The following BICC1 variants were observed in gnomAD, a reference collection of about 807,000 sequenced individuals.
BICC1 encodes the protein BicC family RNA binding protein 1, also known as protein bicaudal C homolog 1.
BICC1 carries 43 observed loss-of-function variants against 111.0 expected under a neutral mutation model. The observed-to-expected ratio is 0.39, with a 90% CI of 0.30 to 0.50. The LOEUF (loss-of-function observed/expected upper bound fraction) is 0.50. Among genes scored for constraint, BICC1 ranks in the 20% least tolerant of loss-of-function variants. The pLI, the probability that BICC1 is intolerant of heterozygous loss-of-function variation, is 0.88. For missense variants in BICC1, 1,091 were observed against 1,203.2 expected (o/e 0.91, Z 1.38); for synonymous variants, 467 against 434.4 (o/e 1.07, Z -0.93).
rs116101109 is a variant in BICC1, at chr10:58,580,446, G to A, written c.191-40409G>A. 7.6e-3 allele frequency among the ~76,000 whole-genome samples: 1,162 copies of A among 152,248 alleles called. 9 individuals are homozygous for A. The highest frequency in any genetic ancestry group is 0.026 in the African/African-American group (1,093 of 41,566). On this transcript the variant is annotated intron_variant, in intron 1 of 20. Transcript: ENST00000373886. Reference sequence around the variant, plus strand: ...ATGCTCAAAGGAAATGTTCATTGGAGCATTTCAGATTTCAAATTTTTGGAC... The same window carrying A: ...ATGCTCAAAGGAAATGTTCATTGGAACATTTCAGATTTCAAATTTTTGGAC...
At chr10:58,514,995 C>T (rs953565360) in intron 1 of BICC1, among the ~76,000 whole-genome samples, 2 of 152,184 alleles carry the variant, frequency 1.3e-5, no homozygotes, top group Admixed American at 6.5e-5. Flanking sequence ...GTTTCACCTG[C>T]GCACAAACAA....
intron 1 of BICC1, among the ~76,000 whole-genome samples, chr10:58,571,440 G>C (rs1843948278): frequency 6.6e-6 from 1 of 152,044 alleles, no homozygotes; most frequent in Admixed American, 6.6e-5. Flanking sequence ...CATCACCCAG[G>C]TATTAATCCC....
At chr10:58,637,282 T>C (rs1837979859) in intron 2 of BICC1, among the ~76,000 whole-genome samples, 3 of 152,338 alleles carry the variant, frequency 2.0e-5, no homozygotes, top group African/African-American at 7.2e-5. Flanking sequence ...AGAAATATGT[T>C]TTTTCCTTTG....
At position 58,801,039 on chromosome 10, in the gene BICC1, C is replaced by G. The variant is rs1206061279; in HGVS notation, c.2008C>G (p.His670Asp). Residue 670 changes from histidine (H) to aspartate (D), a missense_variant, in exon 14 of 21, where the codon CAC becomes GAC. Physicochemically the swap from His to Asp is moderately conservative, Grantham distance 81. This residue lies in a region of BICC1 where 843 missense variants were observed against 900.8 expected (regional missense o/e 0.94). Coordinates refer to ENST00000373886, the MANE Select transcript of BICC1 (RefSeq NM_001080512.3). Reference protein sequence around the residue: ...VELLQGTKNSHLHSTDRLLSD... With the variant: ...VELLQGTKNSDLHSTDRLLSD... ...ACTATTGCAAGGCACGAAAAACTCA[C>G]ACTTACAGTATGTATTTTAATCTTT... 5 of 1,600,396 alleles carry G rather than the reference C, an allele frequency of 3.1e-6. No homozygotes were observed. Among genetic ancestry groups the G allele is most frequent in the Non-Finnish European group, 4.3e-6 (5 of 1,175,186 alleles).
chr10:58,661,302 T>C (rs1372684265), intron 2 of BICC1, among the ~76,000 whole-genome samples: 1 of 151,878 alleles, frequency 6.6e-6, no homozygotes, highest in Non-Finnish European at 1.5e-5. Context: ...ATTCAGTTAG[T>C]TCCATGTCAT....
At chr10:58,716,691 A>AATGAATC (rs1564571347) in intron 3 of BICC1, among the ~76,000 whole-genome samples, 97 of 151,766 alleles carry the variant, frequency 6.4e-4, no homozygotes, top group African/African-American at 2.3e-3. Flanking sequence ...TTACATTAAT[A>AATGAATC]TTTCAAAACC....
chr10:58,757,746 G>C (rs1842186165), intron 3 of BICC1, among the ~76,000 whole-genome samples: 1 of 152,180 alleles, frequency 6.6e-6, no homozygotes, highest in Non-Finnish European at 1.5e-5. Flanking sequence ...TGTTTAGGTT[G>C]TTCTTGGGTA....
intron 1 of BICC1, among the ~76,000 whole-genome samples, chr10:58,565,979 CCT>C (rs1016078553): frequency 1.3e-5 from 2 of 152,078 alleles, no homozygotes; most frequent in Admixed American, 1.3e-4. Flanking sequence ...CACCTTTTCC[CCT>C]GAGTCCCTAT....
intron 3 of BICC1, among the ~76,000 whole-genome samples, chr10:58,777,432 T>C (rs1842777081): frequency 6.6e-6 from 1 of 152,244 alleles, no homozygotes; most frequent in Non-Finnish European, 1.5e-5. Context: ...CTCTTACTTA[T>C]CTTCCAGCTA....
intron 2 of BICC1, among the ~76,000 whole-genome samples, chr10:58,634,030 C>T (rs1365275807): frequency 3.1e-4 from 39 of 127,622 alleles, no homozygotes; most frequent in African/African-American, 9.9e-4. Context: ...GTTTTGCTCT[C>T]GTTGCCCAAG....
At chr10:58,806,477 C>A in intron 15 of BICC1, 107 bp from the exon 16 acceptor site, 1 of 956,404 alleles carries the variant, frequency 1.0e-6, no homozygotes, top group South Asian at 1.4e-5. Flanking sequence ...GTGTATGTCT[C>A]AGGCAGATTC....
intron 10 of BICC1, 99 bp from the exon 11 acceptor site, chr10:58,798,300 G>A: frequency 1.1e-6 from 1 of 912,306 alleles, no homozygotes; most frequent in Non-Finnish European, 1.6e-6. Flanking sequence ...GAAAATATCA[G>A]ATTATATCAT....
intron 2 of BICC1, among the ~76,000 whole-genome samples, chr10:58,685,890 A>AT (rs1442912393): frequency 6.6e-6 from 1 of 152,110 alleles, no homozygotes; most frequent in African/African-American, 2.4e-5. Context: ...GTTATGTGTG[A>AT]TTTTGATCCT....
At chr10:58,681,691 C>T (rs1589013482) in intron 2 of BICC1, among the ~76,000 whole-genome samples, 2 of 152,130 alleles carry the variant, frequency 1.3e-5, no homozygotes, top group Admixed American at 6.5e-5. Flanking sequence ...ACTTCAAGAA[C>T]GAAGCCGTGG....
intron 4 of BICC1, among the ~76,000 whole-genome samples, chr10:58,786,083 T>C (rs1843003282): frequency 6.6e-6 from 1 of 152,210 alleles, no homozygotes; most frequent in African/African-American, 2.4e-5. Context: ...AATTTAAAAC[T>C]TAAGAATTCA....
At chr10:58,619,698 C>T (rs1034963869) in intron 1 of BICC1, among the ~76,000 whole-genome samples, 3 of 152,110 alleles carry the variant, frequency 2.0e-5, no homozygotes, top group Non-Finnish European at 4.4e-5. Flanking sequence ...TGGTCTTGAT[C>T]TCTTGACCTT....
chr10:58,584,835 C>A (rs1438548375), intron 1 of BICC1, among the ~76,000 whole-genome samples: 1 of 150,890 alleles, frequency 6.6e-6, no homozygotes, highest in Non-Finnish European at 1.5e-5. Context: ...AATGGTTATA[C>A]AACATTTTTT....
chr10:58,761,027 TA>T (rs745551573), intron 3 of BICC1, among the ~76,000 whole-genome samples: 4 of 152,084 alleles, frequency 2.6e-5, no homozygotes, highest in East Asian at 3.9e-4. Flanking sequence ...AATTTTTGTA[TA>T]TTTTTTTTTA....
intron 17 of BICC1, among the ~76,000 whole-genome samples, chr10:58,810,189 A>T (rs1387489536): frequency 1.3e-5 from 2 of 152,230 alleles, no homozygotes; most frequent in African/African-American, 4.8e-5. Context: ...CACTTGCCCA[A>T]GGACAGGTAG....
Sources: allele counts gnomAD v4.1 joint callset (sites outside exome capture counted in the v4.1 genomes callset), GRCh38; gene constraint gnomAD v4.1.1; regional missense constraint gnomAD v4.1.1; transcripts MANE v1.5; gene names NCBI Gene and HGNC (gene_info 2026-07-23, HGNC 2026-07-21).